The following GRIN2B variants were observed in gnomAD, a reference collection of about 807,000 sequenced individuals.
GRIN2B encodes the protein glutamate ionotropic receptor NMDA type subunit 2B.
Under a neutral mutation model 114.5 loss-of-function variants are expected in GRIN2B, and 5 were observed. The ratio of observed to expected loss-of-function variants is 0.04; its 90% CI spans 0.02 to 0.09. GRIN2B has a LOEUF of 0.09. GRIN2B is among the 10% of genes least tolerant of loss of function. The probability of loss-of-function intolerance (pLI) is 1.00; values close to 1 mark genes in which losing one functional copy is unlikely to be tolerated. For synonymous variants in GRIN2B, 787 were observed against 745.1 expected, an observed-to-expected ratio of 1.06 and a Z score of -0.92; for missense variants, 1,108 against 1,943.5, an observed-to-expected ratio of 0.57 and a Z score of 8.08.
intron 2 of GRIN2B, among the ~76,000 whole-genome samples, chr12:13,940,214 T>C (rs1330095029): frequency 6.6e-6 from 1 of 152,192 alleles, no homozygotes; most frequent in African/African-American, 2.4e-5. Context: ...CTCAGTGCCC[T>C]GATGCCACTT....
chr12:13,615,854 G>A lies in GRIN2B; in HGVS notation c.1329-190C>T, dbSNP rs929463360. 5.3e-5 allele frequency among the ~76,000 whole-genome samples: 8 copies of A among 152,084 alleles called. No individual in the cohort carries two copies. The highest frequency in any genetic ancestry group is 3.8e-4 in the East Asian group (2 of 5,200). On this transcript the variant is annotated intron_variant, in intron 6 of 13. Transcript: ENST00000609686. The surrounding 1 kb of genome is among the most constrained non-coding windows in gnomAD (Gnocchi z 5.8). The stretch of plus-strand genomic sequence containing the variant: ...AGACCTGCAATATTCTCATTATCTC[G>A]TCATATTGAGATATGTTTCCTCTTA...
chr12:13,673,702 G>T (rs139556213), intron 5 of GRIN2B, among the ~76,000 whole-genome samples: 182 of 152,142 alleles, frequency 1.2e-3, no homozygotes, highest in African/African-American at 4.3e-3. Context: ...GGGGATGCAG[G>T]CCTCAGATTC....
In GRIN2B at chr12:13,723,132, C is replaced by CT. The variant is rs5796556; in HGVS notation, c.1010+30184dup. 7.2e-3 allele frequency among the ~76,000 whole-genome samples: 1,072 copies of CT among 148,058 alleles called. 7 individuals carry two copies. Among genetic ancestry groups the CT allele is most frequent in the African/African-American group, 9.1e-3 (369 of 40,764 alleles). On this transcript the variant is annotated intron_variant, in intron 4 of 13. Coordinates refer to ENST00000609686, the MANE Select transcript of GRIN2B (RefSeq NM_000834.5). The stretch of plus-strand genomic sequence containing the variant: ...GGAGCCTCTGAATAAATGCTTACAC[C>CT]TTTTTTTTTTGTTTTTTATTATTAT...
rs115189840 is a variant in GRIN2B at position 13,753,862 on chromosome 12, G to A, written c.465C>T (p.Ser155=). Reference sequence around the variant, plus strand: ...ATTCTTCCATGATGTTGAGCATTACGGAAGCTTGCTGTTCAATTGATGGGC... The same window carrying A: ...ATTCTTCCATGATGTTGAGCATTACAGAAGCTTGCTGTTCAATTGATGGGC... ...QFGPSIEQQA[S]VMLNIMEEYD... The change falls in exon 4 of 14, where the codon TCC becomes TCT. Residue 155 remains serine (S), a synonymous_variant. Transcript: ENST00000609686. This position sits in a 1 kb window ranked among gnomAD's most constrained non-coding sequence, Gnocchi z 6.2. 30 of 1,613,840 alleles carry A rather than the reference G, an allele frequency of 1.9e-5. No homozygotes were observed. Among genetic ancestry groups the A allele is most frequent in the African/African-American group, 1.5e-4 (11 of 74,982 alleles).
intron 3 of GRIN2B, among the ~76,000 whole-genome samples, chr12:13,789,688 GTAAA>G (rs888244981): frequency 4.6e-5 from 7 of 152,166 alleles, no homozygotes; most frequent in African/African-American, 1.7e-4. Context: ...TCAGAGTTGG[GTAAA>G]GTGAGGAGTA....
chr12:13,851,348 A>G (rs753925503), intron 3 of GRIN2B, among the ~76,000 whole-genome samples: 1 of 151,420 alleles, frequency 6.6e-6, no homozygotes, highest in Non-Finnish European at 1.5e-5. Flanking sequence ...TTTTTCTCCA[A>G]CTCTTCTTTC....
chr12:13,564,152 G>A lies in GRIN2B; in HGVS notation c.3086C>T (p.Ser1029Phe). 2.5e-6 allele frequency: 4 copies of A among 1,614,182 alleles called. 1 individual carries two copies. In the South Asian group the frequency reaches 3.3e-5, roughly 13 times the overall value. ...GTCACTGAGCTGGCTGTGCTTGGAG[G>A]AGGGGAGGCCGATGTCCAGGGGCTT... is the stretch of plus-strand genomic sequence containing the variant. ...SKKPLDIGLP[S>F]SKHSQLSDLY... is the part of the protein sequence containing the mutation. The change falls in exon 14 of 14, where the codon TCC (serine) becomes TTC (phenylalanine). Residue 1029 changes from serine to phenylalanine, a missense_variant. Around this residue, in one of 19 missense-constraint regions of GRIN2B, gnomAD observed 140 missense variants for 187.5 expected, o/e 0.75. Coordinates refer to ENST00000609686, the MANE Select transcript of GRIN2B (RefSeq NM_000834.5). This position sits in a 1 kb window ranked among gnomAD's most constrained non-coding sequence, Gnocchi z 4.8.
intron 2 of GRIN2B, among the ~76,000 whole-genome samples, chr12:13,972,652 G>A (rs1469318129): frequency 6.6e-6 from 1 of 152,210 alleles, no homozygotes; most frequent in Admixed American, 6.5e-5. Context: ...AGGGTCAGTG[G>A]ACGTGGCTGA....
intron 3 of GRIN2B, among the ~76,000 whole-genome samples, chr12:13,757,153 G>A (rs1863590380): frequency 6.6e-6 from 1 of 152,122 alleles, no homozygotes; most frequent in South Asian, 2.1e-4. Context: ...TGCTTTATAT[G>A]ACCATTTTAT....
Position 13,567,056 on chromosome 12 carries a change from C to A in GRIN2B, c.2567G>T (p.Gly856Val). The change falls in exon 13 of 14, where the codon GGC becomes GTC. Residue 856 changes from glycine (G) to valine (V), a missense_variant. This residue lies in a region of GRIN2B where 30 missense variants were observed against 35.9 expected (regional missense o/e 0.84). Transcript: ENST00000609686. ...GATGGAGAAGACCATGCCAGGCTTG[C>A]CAGAACAGACACCCATAAAGCAATG... ...FRHCFMGVCS[G>V]KPGMVFSISR... 6.2e-7 allele frequency: 1 copy of A among 1,613,786 alleles called. No individual in the cohort carries two copies. Among genetic ancestry groups the A allele is most frequent in the Non-Finnish European group, 8.5e-7 (1 of 1,179,674 alleles).
intron 10 of GRIN2B, among the ~76,000 whole-genome samples, chr12:13,575,376 G>A (rs918328730): frequency 2.0e-5 from 3 of 152,070 alleles, no homozygotes; most frequent in South Asian, 2.1e-4. Flanking sequence ...GAAAATAATC[G>A]GGCCGGGTGC....
chr12:13,716,506 C>G (rs549141722), intron 4 of GRIN2B, among the ~76,000 whole-genome samples: 1 of 151,792 alleles, frequency 6.6e-6, no homozygotes, highest in African/African-American at 2.4e-5. Flanking sequence ...GAGAAGAACC[C>G]TACCTAAATG....
At chr12:13,580,206 A>G (rs1168062946) in intron 10 of GRIN2B, among the ~76,000 whole-genome samples, 1 of 152,220 alleles carries the variant, frequency 6.6e-6, no homozygotes, top group Non-Finnish European at 1.5e-5. Context: ...GATCCGGTGA[A>G]TAACAGCACA....
intron 4 of GRIN2B, among the ~76,000 whole-genome samples, chr12:13,745,945 C>T (rs1170373105): frequency 2.0e-5 from 3 of 151,838 alleles, no homozygotes; most frequent in African/African-American, 4.8e-5. Flanking sequence ...GCCTACTTAT[C>T]AGGCACTGTG....
intron 2 of GRIN2B, among the ~76,000 whole-genome samples, chr12:13,900,721 TA>T (rs1866433806): frequency 1.3e-5 from 2 of 152,178 alleles, no homozygotes; most frequent in South Asian, 4.1e-4. Context: ...GACACATCCC[TA>T]AACAGTATGT....
Position 13,608,595 on chromosome 12 carries a change from T to A in GRIN2B, c.2010+8A>T, listed in dbSNP as rs190290194. On this transcript the variant is annotated splice_region_variant and intron_variant, in intron 10 of 13. Transcript: ENST00000609686. ...GGAAAGACGGGAGATTTCAAATGAG[T>A]CTCTTACCTTTTTGTCGCTCAGGCC... The A allele has an allele frequency of 5.7e-6, 9 of 1,587,214 alleles. No individual in the cohort carries two copies. Among genetic ancestry groups the A allele is most frequent in the South Asian group, 1.1e-5 (1 of 90,434 alleles).
At chr12:13,825,482 A>AATAT (rs71436774) in intron 3 of GRIN2B, among the ~76,000 whole-genome samples, 8 of 82,826 alleles carry the variant, frequency 9.7e-5, no homozygotes, top group African/African-American at 3.0e-4. Flanking sequence ...ATATATAATA[A>AATAT]ATATATATAT....
chr12:13,724,131 T>A (rs192759812), intron 4 of GRIN2B, among the ~76,000 whole-genome samples: 39 of 152,184 alleles, frequency 2.6e-4, no homozygotes, highest in Non-Finnish European at 5.0e-4. Context: ...AAAGAACACA[T>A]CTGAAGCAGG....
chr12:13,867,235 T>A (rs1406763857), intron 2 of GRIN2B, among the ~76,000 whole-genome samples: 1 of 152,204 alleles, frequency 6.6e-6, no homozygotes, highest in East Asian at 1.9e-4. Context: ...ATACCGTATT[T>A]TCATATAATT....
Sources: allele counts gnomAD v4.1 joint callset (sites outside exome capture counted in the v4.1 genomes callset), GRCh38; gene constraint gnomAD v4.1.1; regional missense constraint gnomAD v4.1.1; non-coding constraint Gnocchi (gnomAD v3.1); transcripts MANE v1.5; gene names NCBI Gene and HGNC (gene_info 2026-07-23, HGNC 2026-07-21).